The following SLC16A1 variants were observed in gnomAD, a reference collection of about 807,000 sequenced individuals.
SLC16A1 encodes the protein solute carrier family 16 member 1.
In SLC16A1, 11 loss-of-function variants were observed where a neutral mutation model predicts 32.2. The observed-to-expected ratio is 0.34, with a 90% CI of 0.21 to 0.56. The LOEUF is 0.56. SLC16A1 is among the 20% of genes least tolerant of loss of function. SLC16A1 has a pLI of 0.87. For synonymous variants in SLC16A1, 231 were observed against 226.8 expected, an observed-to-expected ratio of 1.02 and a Z score of -0.17; for missense variants, 435 against 615.0, an observed-to-expected ratio of 0.71 and a Z score of 3.10.
intron 1 of SLC16A1, among the ~76,000 whole-genome samples, chr1:112,950,785 C>T (rs574090598): frequency 4.5e-4 from 69 of 152,276 alleles, no homozygotes; most frequent in Middle Eastern, 3.4e-3. Flanking sequence ...TGGCTTGGGG[C>T]CAGGAGTTTG....
At chr1:112,942,176 C>T (rs112320285) in intron 1 of SLC16A1, among the ~76,000 whole-genome samples, 17 of 152,044 alleles carry the variant, frequency 1.1e-4, no homozygotes, top group African/African-American at 2.9e-4. Context: ...TTTACCATGA[C>T]GGCCAGGCTG....
chr1:112,923,788 C>T (rs1451128506), intron 2 of SLC16A1: 3 of 1,496,778 alleles, frequency 2.0e-6, no homozygotes, highest in South Asian at 1.1e-5. Flanking sequence ...AACTATGCCA[C>T]CTGGGAAGTG....
chr1:112,939,818 T>C (rs1649442763), intron 1 of SLC16A1, among the ~76,000 whole-genome samples: 1 of 152,098 alleles, frequency 6.6e-6, no homozygotes, highest in Non-Finnish European at 1.5e-5. Flanking sequence ...GTCAGCTTTT[T>C]AAAATGAGTT....
chr1:112,932,403 C>A (rs1649163093), intron 1 of SLC16A1, among the ~76,000 whole-genome samples: 1 of 152,002 alleles, frequency 6.6e-6, no homozygotes, highest in Admixed American at 6.6e-5. Flanking sequence ...TGTGGTGGTA[C>A]ACATCTGTAG....
At chr1:112,920,554 C>T (rs373931272) in intron 3 of SLC16A1, among the ~76,000 whole-genome samples, 3 of 151,740 alleles carry the variant, frequency 2.0e-5, no homozygotes, top group African/African-American at 7.3e-5. Context: ...TGCAGTGAGC[C>T]GAGATCATGC....
At chr1:112,944,971 G>T (rs1649642847) in intron 1 of SLC16A1, among the ~76,000 whole-genome samples, 1 of 150,474 alleles carries the variant, frequency 6.6e-6, no homozygotes, top group Admixed American at 6.6e-5. Flanking sequence ...GGGATTACAG[G>T]CCTGAGCCAC....
chr1:112,938,373 C>A (rs896804991), intron 1 of SLC16A1, among the ~76,000 whole-genome samples: 1 of 152,064 alleles, frequency 6.6e-6, no homozygotes, highest in African/African-American at 2.4e-5. Flanking sequence ...AAGTTAACTC[C>A]CAAGATTCAA....
At chr1:112,928,253 G>T (rs938355672) in intron 2 of SLC16A1, among the ~76,000 whole-genome samples, 20 of 152,302 alleles carry the variant, frequency 1.3e-4, no homozygotes, top group African/African-American at 4.8e-4. Context: ...ATGAAATTAT[G>T]ATTTCAACTG....
chr1:112,945,721 G>A (rs112867366), intron 1 of SLC16A1, among the ~76,000 whole-genome samples: 27,719 of 151,080 alleles, frequency 0.18, 2,791 homozygotes, highest in Non-Finnish European at 0.23. Flanking sequence ...GTCCAGGTGC[G>A]GTGGCTCACA....
At chr1:112,923,446 GGGT>G (rs1367082912) in intron 2 of SLC16A1, 1 of 708,674 alleles carries the variant, frequency 1.4e-6, no homozygotes, top group African/African-American at 1.8e-5. Flanking sequence ...CCACGGTGTT[GGGT>G]GCCATGGAGA....
intron 2 of SLC16A1, among the ~76,000 whole-genome samples, chr1:112,922,934 C>G (rs913184149): frequency 1.3e-5 from 2 of 151,800 alleles, no homozygotes; most frequent in African/African-American, 2.4e-5. Flanking sequence ...TTTTTTGAGA[C>G]GGAGTCTCAC....
At chr1:112,924,140 C>G in intron 2 of SLC16A1, 1 of 1,434,820 alleles carries the variant, frequency 7.0e-7, no homozygotes, top group Middle Eastern at 2.1e-4. Context: ...CCAGCATGAC[C>G]TCGGCTGCCC....
At chr1:112,940,813 A>G (rs1649482282) in intron 1 of SLC16A1, among the ~76,000 whole-genome samples, 2 of 152,254 alleles carry the variant, frequency 1.3e-5, no homozygotes. Flanking sequence ...TCAGTTAAAA[A>G]AGAACATGCA....
chr1:112,918,202 G>A (rs1187711643), intron 3 of SLC16A1, among the ~76,000 whole-genome samples, 158 bp from the exon 4 acceptor site: 1 of 152,178 alleles, frequency 6.6e-6, no homozygotes, highest in Non-Finnish European at 1.5e-5. Context: ...ACAGACATGG[G>A]TTCAAATCTC....
chr1:112,932,198 G>A (rs562049537), intron 1 of SLC16A1, among the ~76,000 whole-genome samples: 4 of 152,230 alleles, frequency 2.6e-5, no homozygotes, highest in South Asian at 2.1e-4. Context: ...GCCAGTGCAT[G>A]CAGGCAAGAA....
At chr1:112,945,235 G>T (rs1399475636) in intron 1 of SLC16A1, among the ~76,000 whole-genome samples, 3 of 151,672 alleles carry the variant, frequency 2.0e-5, no homozygotes, top group Non-Finnish European at 4.4e-5. Context: ...CTGACCTCAG[G>T]CCACCCGCCT....
At chr1:112,932,689 G>T (rs1649176278) in intron 1 of SLC16A1, among the ~76,000 whole-genome samples, 1 of 151,108 alleles carries the variant, frequency 6.6e-6, no homozygotes, top group South Asian at 2.1e-4. Context: ...AGCTACTTGG[G>T]AGGCTGAGGC....
chr1:112,915,543 AG>A (rs1648472381), intron 4 of SLC16A1, among the ~76,000 whole-genome samples: 1 of 152,202 alleles, frequency 6.6e-6, no homozygotes, highest in Non-Finnish European at 1.5e-5. Context: ...AAGCAACTGG[AG>A]AGTTTTAAGA....
intron 1 of SLC16A1, among the ~76,000 whole-genome samples, chr1:112,935,603 A>G (rs2101639724): frequency 6.6e-6 from 1 of 152,288 alleles, no homozygotes; most frequent in Non-Finnish European, 1.5e-5. Flanking sequence ...CTTTGGAAAA[A>G]GAGAATAGAG....
Sources: gnomAD v4.1 joint callset for allele counts (sites outside exome capture counted in the v4.1 genomes callset) on GRCh38, gnomAD v4.1.1 for gene constraint, MANE v1.5 for transcripts, NCBI Gene and HGNC (gene_info 2026-07-23, HGNC 2026-07-21) for gene names.